The following ADCY2 variants were observed in gnomAD, a reference collection of about 807,000 sequenced individuals.
The protein encoded by ADCY2 is adenylate cyclase type 2.
In ADCY2, 31 loss-of-function variants were observed where a neutral mutation model predicts 125.2. The observed-to-expected ratio is 0.25, with a 90% CI of 0.19 to 0.33. The LOEUF is 0.33. Among genes scored for constraint, ADCY2 ranks in the 10% least tolerant of loss-of-function variants. The probability of loss-of-function intolerance (pLI) is 1.00; values close to 1 mark genes in which losing one functional copy is unlikely to be tolerated. For missense variants in ADCY2, 904 were observed against 1,418.2 expected, an observed-to-expected ratio of 0.64 and a Z score of 5.82; for synonymous variants, 512 against 548.4, an observed-to-expected ratio of 0.93 and a Z score of 0.93.
intron 3 of ADCY2, among the ~76,000 whole-genome samples, chr5:7,610,322 A>G (rs963341936): frequency 3.3e-5 from 5 of 152,182 alleles, no homozygotes; most frequent in Non-Finnish European, 5.9e-5. Flanking sequence ...GGCTGACTCC[A>G]GGGTGCATGA....
intron 4 of ADCY2, among the ~76,000 whole-genome samples, chr5:7,669,015 A>G (rs1739847828): frequency 6.6e-6 from 1 of 152,202 alleles, no homozygotes; most frequent in Non-Finnish European, 1.5e-5. Context: ...ACCCAGTATG[A>G]GGAGGCACAG....
chr5:7,743,506 A>G (rs1295144031), intron 14 of ADCY2, among the ~76,000 whole-genome samples, 162 bp from the exon 15 acceptor site: 2 of 152,176 alleles, frequency 1.3e-5, no homozygotes, highest in Non-Finnish European at 2.9e-5. Context: ...TTCTATGGAC[A>G]TGTATGTGGC....
intron 20 of ADCY2, chr5:7,796,172 A>G (rs1164903957): frequency 6.6e-6 from 1 of 152,234 alleles, no homozygotes; most frequent in African/African-American, 2.4e-5. Flanking sequence ...ATGCATAAAC[A>G]GGATGGGGGC....
chr5:7,528,137 G>A (rs1734533788), intron 3 of ADCY2, among the ~76,000 whole-genome samples: 1 of 152,166 alleles, frequency 6.6e-6, no homozygotes, highest in South Asian at 2.1e-4. Flanking sequence ...ATGGGAGTAA[G>A]GATTGGGAGG....
intron 2 of ADCY2, among the ~76,000 whole-genome samples, chr5:7,517,241 C>G (rs904884106): frequency 1.3e-5 from 2 of 152,096 alleles, no homozygotes; most frequent in African/African-American, 4.8e-5. Flanking sequence ...CAGAGGATCA[C>G]AGGAATGAGA....
intron 2 of ADCY2, among the ~76,000 whole-genome samples, chr5:7,449,971 A>G (rs1332172367): frequency 1.3e-5 from 2 of 152,146 alleles, no homozygotes; most frequent in Non-Finnish European, 1.5e-5. Context: ...AACTTAATAC[A>G]TGCTGTGTGT....
At chr5:7,689,242 G>A (rs1740627137) in intron 4 of ADCY2, among the ~76,000 whole-genome samples, 2 of 152,200 alleles carry the variant, frequency 1.3e-5, no homozygotes, top group East Asian at 3.8e-4. Context: ...GGACAGGCTG[G>A]TGTTTGGAGG....
intron 18 of ADCY2, among the ~76,000 whole-genome samples, chr5:7,781,309 T>C (rs1743916574): frequency 6.6e-6 from 1 of 152,136 alleles, no homozygotes; most frequent in African/African-American, 2.4e-5. Context: ...AAATAAGATA[T>C]AAAGCTTTGG....
chr5:7,421,828 G>A (rs1455351940), intron 2 of ADCY2, among the ~76,000 whole-genome samples: 5 of 152,162 alleles, frequency 3.3e-5, no homozygotes, highest in East Asian at 1.9e-4. Context: ...TATCAGGTTG[G>A]TGCAAAAGTA....
intron 3 of ADCY2, among the ~76,000 whole-genome samples, chr5:7,562,506 G>C (rs542720515): frequency 6.6e-6 from 1 of 152,022 alleles, no homozygotes; most frequent in African/African-American, 2.4e-5. Context: ...AATGACTAGT[G>C]TCATTTTCTG....
intron 3 of ADCY2, among the ~76,000 whole-genome samples, chr5:7,524,630 C>T (rs1299763350): frequency 1.3e-5 from 2 of 152,290 alleles, no homozygotes; most frequent in Non-Finnish European, 2.9e-5. Flanking sequence ...ATTGCAGGAC[C>T]GTTATTTTGT....
intron 2 of ADCY2, among the ~76,000 whole-genome samples, chr5:7,429,971 T>G (rs777707664): frequency 1.3e-5 from 2 of 152,150 alleles, no homozygotes; most frequent in Non-Finnish European, 2.9e-5. Flanking sequence ...CTAGCAAGAC[T>G]GATTGGGAAT....
At chr5:7,693,406 G>GTTT (rs139450063) in intron 5 of ADCY2, among the ~76,000 whole-genome samples, 600 of 58,460 alleles carry the variant, frequency 0.01, 12 homozygotes, top group African/African-American at 0.028. Flanking sequence ...ATTGCCTGCT[G>GTTT]TTTTTTGTTT....
rs1402117661 is a variant in ADCY2, at chr5:7,802,115, G to A, written c.2629-103G>A. 8.1e-6 allele frequency: 11 copies of A among 1,361,200 alleles called. No individual in the cohort carries two copies. Among genetic ancestry groups the A allele is most frequent in the Admixed American group, 6.0e-5 (3 of 49,604 alleles). 84.3% of individuals were successfully genotyped at this position (1,361,200 alleles called of 1,614,324 possible). A position where few individuals can be genotyped will look rare whatever the true frequency, so the allele number is the denominator to read the frequency against. ...GGGCAAGTGGAGTAGGCATTTGGGCGATGTCTGTGTGAATCCTGGCATAAA... is the reference window on the plus strand; with the variant it reads ...GGGCAAGTGGAGTAGGCATTTGGGCAATGTCTGTGTGAATCCTGGCATAAA... On this transcript the variant is annotated intron_variant, in intron 20 of 24. Transcript: ENST00000338316. The surrounding 1 kb of genome is among the most constrained non-coding windows in gnomAD (Gnocchi z 4.6).
chr5:7,483,093 G>A (rs902095440), intron 2 of ADCY2, among the ~76,000 whole-genome samples: 5 of 151,886 alleles, frequency 3.3e-5, no homozygotes, highest in Non-Finnish European at 7.4e-5. Context: ...AAGCTCTAGT[G>A]CCCAGTAACA....
At chr5:7,665,103 C>T (rs1264816418) in intron 4 of ADCY2, among the ~76,000 whole-genome samples, 1 of 152,184 alleles carries the variant, frequency 6.6e-6, no homozygotes, top group Non-Finnish European at 1.5e-5. Context: ...GTGCCCCAAC[C>T]ACCATGGACA....
rs1334269331 is a variant in ADCY2 at position 7,804,521 on chromosome 5, A to G, written c.2776-64A>G. 5 of 1,247,660 alleles carry G rather than the reference A, an allele frequency of 4.0e-6. No individual in the cohort carries two copies. In the African/African-American group the frequency reaches 5.9e-5, roughly 15 times the overall value. The allele number at this position is 1,247,660 out of a possible 1,614,324, so 77.3% of individuals were successfully genotyped here. A position where few individuals can be genotyped will look rare whatever the true frequency, so the allele number is the denominator to read the frequency against. On this transcript the variant is annotated intron_variant, in intron 21 of 24. Transcript: ENST00000338316. Reference sequence around the variant, plus strand: ...TGAACCAGCATTTGAGAATGTCTCTATAAAATGCTCAGCTTCAGGTCAGCA... The same window carrying G: ...TGAACCAGCATTTGAGAATGTCTCTGTAAAATGCTCAGCTTCAGGTCAGCA...
rs927321666 is a variant in ADCY2 at position 7,706,771 on chromosome 5, T to C, written c.1137T>C (p.Asp379=). 6.2e-7 allele frequency: 1 copy of C among 1,614,250 alleles called. No homozygotes were observed. ...IKKVRDATGV[D]INMRVGVHSG... ...AAGTGAGGGATGCTACTGGAGTTGA[T>C]ATCAACATGCGCGTGGGCGTGCATT... Residue 379 remains aspartate, a synonymous_variant, in exon 8 of 25, where the codon GAT becomes GAC. Coordinates refer to ENST00000338316, the MANE Select transcript of ADCY2 (RefSeq NM_020546.3).
At chr5:7,692,563 A>G (rs1740737350) in intron 5 of ADCY2, among the ~76,000 whole-genome samples, 1 of 152,212 alleles carries the variant, frequency 6.6e-6, no homozygotes, top group Non-Finnish European at 1.5e-5. Flanking sequence ...AGAAACATTT[A>G]CTTATCTAAG....
Sources: gnomAD v4.1 joint callset for allele counts (sites outside exome capture counted in the v4.1 genomes callset) on GRCh38, gnomAD v4.1.1 for gene constraint, Gnocchi (gnomAD v3.1) non-coding constraint, MANE v1.5 for transcripts, NCBI Gene and HGNC (gene_info 2026-07-23, HGNC 2026-07-21) for gene names.